The following SYNPR variants were observed in gnomAD, a reference collection of about 807,000 sequenced individuals.
SYNPR encodes synaptoporin.
SYNPR carries 23 observed loss-of-function variants against 32.9 expected under a neutral mutation model. The observed-to-expected ratio is 0.70, with a 90% CI of 0.50 to 0.99. The LOEUF (loss-of-function observed/expected upper bound fraction) is 0.99, where lower values mean the gene tolerates loss of function less well. SYNPR is among the 50% of genes least tolerant of loss of function. The pLI is 0.00. For synonymous variants in SYNPR, 146 were observed against 135.9 expected (o/e 1.07, Z -0.52); for missense variants, 318 against 349.3 (o/e 0.91, Z 0.71).
chr3:63,504,976 G>A (rs1473214842), intron 3 of SYNPR, among the ~76,000 whole-genome samples: 1 of 152,096 alleles, frequency 6.6e-6, no homozygotes, highest in Non-Finnish European at 1.5e-5. Flanking sequence ...AGAGGTGAAA[G>A]TCAGAAAAGG....
intron 2 of SYNPR, among the ~76,000 whole-genome samples, chr3:63,453,488 A>G (rs1297116827): frequency 6.6e-6 from 1 of 152,182 alleles, no homozygotes. Context: ...GGGTGTCATA[A>G]TGTCTTCAAA....
intron 2 of SYNPR, among the ~76,000 whole-genome samples, chr3:63,371,152 A>G (rs1432660548): frequency 1.3e-5 from 2 of 152,048 alleles, no homozygotes; most frequent in South Asian, 4.1e-4. Context: ...CGGAAAAATG[A>G]TGAGTGAGTG....
At chr3:63,348,074 TG>T (rs929860000) in intron 2 of SYNPR, among the ~76,000 whole-genome samples, 6 of 152,136 alleles carry the variant, frequency 3.9e-5, no homozygotes, top group African/African-American at 1.4e-4. Flanking sequence ...GATTGAATGG[TG>T]GTTCTATTTT....
At position 63,508,970 on chromosome 3, in the gene SYNPR, A is replaced by T. The variant is rs528446288; in HGVS notation, c.209+28014A>T. 1.9e-3 allele frequency among the ~76,000 whole-genome samples: 283 copies of T among 152,260 alleles called. 2 individuals carry two copies. The highest frequency in any genetic ancestry group is 0.014 in the Middle Eastern group (4 of 294). ...CATGTTTACCCTGTCAATTTGCTTC[A>T]TAACTTTATAGACTTTTAACAAATA... On this transcript the variant is annotated intron_variant, in intron 3 of 5. Transcript: ENST00000478300.
At chr3:63,591,295 A>G (rs958562321) in intron 4 of SYNPR, among the ~76,000 whole-genome samples, 11 of 124,678 alleles carry the variant, frequency 8.8e-5, no homozygotes, top group Non-Finnish European at 1.5e-4. Flanking sequence ...ATCATTAAAA[A>G]GTCAGGAAAC....
intron 2 of SYNPR, among the ~76,000 whole-genome samples, chr3:63,368,357 A>C (rs2087752516): frequency 6.6e-6 from 1 of 152,160 alleles, no homozygotes; most frequent in Non-Finnish European, 1.5e-5. Context: ...AGAGTGCAAG[A>C]AAGGGCGCTA....
At chr3:63,577,558 T>G (rs1382374205) in intron 4 of SYNPR, among the ~76,000 whole-genome samples, 1 of 152,030 alleles carries the variant, frequency 6.6e-6, no homozygotes, top group Non-Finnish European at 1.5e-5. Flanking sequence ...GCTTTTTCTG[T>G]GAGAAGAGAA....
chr3:63,293,738 C>T (rs7645288), intron 2 of SYNPR, among the ~76,000 whole-genome samples: 128,956 of 152,134 alleles, frequency 0.85, 55,254 homozygotes, highest in African/African-American at 0.93. Flanking sequence ...CCTTGGCTTA[C>T]AGAAGTATTG....
chr3:63,512,464 A>C (rs1363401207), intron 3 of SYNPR, among the ~76,000 whole-genome samples: 5 of 152,188 alleles, frequency 3.3e-5, no homozygotes, highest in Non-Finnish European at 7.3e-5. Flanking sequence ...TATGGCTGTT[A>C]ATCAGCTGAC....
chr3:63,427,829 C>A (rs1699919436), intron 2 of SYNPR, among the ~76,000 whole-genome samples: 1 of 152,192 alleles, frequency 6.6e-6, no homozygotes, highest in East Asian at 1.9e-4. Context: ...TCATACAGTT[C>A]TCTGAGTTCT....
intron 2 of SYNPR, among the ~76,000 whole-genome samples, chr3:63,366,170 T>A (rs904754193): frequency 6.6e-6 from 1 of 152,222 alleles, no homozygotes; most frequent in Non-Finnish European, 1.5e-5. Context: ...TTAACCCATA[T>A]GGAATCTCTG....
the SYNPR span, among the ~76,000 whole-genome samples, chr3:63,205,628 G>C: frequency 3.9e-5 from 6 of 152,220 alleles, no homozygotes; most frequent in African/African-American, 1.4e-4. Context: ...GCCCTTTGTA[G>C]AATGTCTATA....
chr3:63,378,045 T>C (rs76609099), intron 2 of SYNPR, among the ~76,000 whole-genome samples: 3 of 152,022 alleles, frequency 2.0e-5, no homozygotes, highest in African/African-American at 7.2e-5. Flanking sequence ...AATTGTATAA[T>C]ATAGTGAAAT....
intron 3 of SYNPR, among the ~76,000 whole-genome samples, chr3:63,498,102 C>T (rs1701406608): frequency 6.6e-6 from 1 of 152,138 alleles, no homozygotes; most frequent in African/African-American, 2.4e-5. Context: ...TTTGGTCAGT[C>T]CATCTGTGTC....
Position 63,417,215 on chromosome 3 carries a change from C to CA in SYNPR, c.85-63616dup, listed in dbSNP as rs768433987. Among the ~76,000 whole-genome samples the CA allele has an allele frequency of 5.3e-5, 8 of 152,366 alleles. No individual in the cohort carries two copies. The East Asian group carries it at 7.7e-4, about 15-fold the overall frequency. Reference sequence around the variant, plus strand: ...GCCCAAAGAAAGGGGCCAGAGGCCCCATGCAAGTCTAAAATCCAGCAGGGC... The same window carrying CA: ...GCCCAAAGAAAGGGGCCAGAGGCCCCAATGCAAGTCTAAAATCCAGCAGGGC... On this transcript the variant is annotated intron_variant, in intron 2 of 5. Transcript: ENST00000478300.
chr3:63,539,676 A>T (rs1702265625), intron 3 of SYNPR, among the ~76,000 whole-genome samples: 1 of 152,150 alleles, frequency 6.6e-6, no homozygotes, highest in Non-Finnish European at 1.5e-5. Flanking sequence ...CCTAGGCACA[A>T]GGAGCCTTTA....
At chr3:63,219,574 C>T in the SYNPR span, among the ~76,000 whole-genome samples, 1 of 152,150 alleles carries the variant, frequency 6.6e-6, no homozygotes, top group African/African-American at 2.4e-5. Context: ...TAACTAATAG[C>T]CTACTGCTGA....
At chr3:63,370,904 T>C (rs900094812) in intron 2 of SYNPR, among the ~76,000 whole-genome samples, 3 of 152,078 alleles carry the variant, frequency 2.0e-5, no homozygotes, top group African/African-American at 4.8e-5. Context: ...CTAATCCCTA[T>C]TGTTGAATTA....
At chr3:63,274,097 A>T (rs1487174462), upstream of SYNPR, among the ~76,000 whole-genome samples, 2 of 152,214 alleles carry the variant, frequency 1.3e-5, no homozygotes, top group African/African-American at 4.8e-5. Flanking sequence ...TTAAATATAC[A>T]ACATTTTGAC....
Sources: gnomAD v4.1 joint callset for allele counts (sites outside exome capture counted in the v4.1 genomes callset) on GRCh38, gnomAD v4.1.1 for gene constraint, MANE v1.5 for transcripts, NCBI Gene and HGNC (gene_info 2026-07-23, HGNC 2026-07-21) for gene names.